Variants in FARS2 observed in about 807,000 individuals in gnomAD.
The protein encoded by FARS2 is phenylalanine--tRNA ligase, mitochondrial.
Under a neutral mutation model 46.4 loss-of-function variants are expected in FARS2, and 40 were observed. The ratio of observed to expected loss-of-function variants is 0.86; its 90% CI spans 0.67 to 1.12. The LOEUF (loss-of-function observed/expected upper bound fraction) is 1.12. Among genes scored for constraint, FARS2 ranks in the 50% most tolerant of loss-of-function variants. The pLI is 0.00. For missense variants in FARS2, 513 were observed against 567.9 expected (o/e 0.90, Z 0.98); for synonymous variants, 234 against 214.9 (o/e 1.09, Z -0.78).
At chr6:5,647,070 A>G (rs893074784) in intron 6 of FARS2, among the ~76,000 whole-genome samples, 4 of 152,116 alleles carry the variant, frequency 2.6e-5, no homozygotes, top group African/African-American at 9.7e-5. Context: ...CAATGGCCCA[A>G]ATGTATTTTT....
At chr6:5,489,323 G>A (rs1201948822) in intron 4 of FARS2, among the ~76,000 whole-genome samples, 1 of 152,076 alleles carries the variant, frequency 6.6e-6, no homozygotes, top group Non-Finnish European at 1.5e-5. Flanking sequence ...GCGTGATGGT[G>A]CACGCCTGTA....
At chr6:5,627,276 G>A (rs932622395) in intron 6 of FARS2, among the ~76,000 whole-genome samples, 11 of 152,252 alleles carry the variant, frequency 7.2e-5, no homozygotes, top group African/African-American at 2.4e-4. Flanking sequence ...ATACCCTGCA[G>A]TAGGTTTTGG....
In FARS2 at chr6:5,368,964, C is replaced by T. The variant is rs534089491; in HGVS notation, c.394C>T (p.Pro132Ser). The change falls in exon 2 of 7, where the codon CCA becomes TCA. Residue 132 changes from proline to serine, a missense_variant. By Grantham distance (74) the Pro-to-Ser change is moderately conservative. Coordinates refer to ENST00000274680, the MANE Select transcript of FARS2 (RefSeq NM_006567.5). ...GCAGAACTTTGACAGCCTGCTCATC[C>T]CAGCTGATCACCCCAGCAGGAAGAA... Reference protein sequence around the residue: ...TWQNFDSLLIPADHPSRKKGD... With the variant: ...TWQNFDSLLISADHPSRKKGD... 4.3e-6 allele frequency: 7 copies of T among 1,614,154 alleles called. No homozygotes were observed. Among genetic ancestry groups the T allele is most frequent in the Middle Eastern group, 3.3e-4 (2 of 6,062 alleles).
At position 5,273,674 on chromosome 6, in the gene FARS2, T is replaced by A. The variant is rs1057337692; in HGVS notation, c.-22+12014T>A. Among the ~76,000 whole-genome samples the A allele has an allele frequency of 2.6e-5, 4 of 152,220 alleles. No individual in the cohort carries two copies. The South Asian group carries it at 8.3e-4, about 31-fold the overall frequency. On this transcript the variant is annotated intron_variant, in intron 1 of 6. Coordinates refer to ENST00000274680, the MANE Select transcript of FARS2 (RefSeq NM_006567.5). ...CTTTGCTTACAGAAGCGTTTTTGCT[T>A]GATGTAATCTAATTTTTCTCTTTTT... is the stretch of plus-strand genomic sequence containing the variant.
In FARS2 at chr6:5,293,598, A is replaced by G. The variant is rs538006792; in HGVS notation, c.-22+31938A>G. The stretch of plus-strand genomic sequence containing the variant: ...TAAATCTCTAAACCCCAATGGGAGA[A>G]AAGTTATTATTTAATAATATCATAG... On this transcript the variant is annotated intron_variant, in intron 1 of 6. Transcript: ENST00000274680. Among the ~76,000 whole-genome samples the G allele has an allele frequency of 2.8e-4, 43 of 152,360 alleles. 1 individual carries two copies. The South Asian group carries it at 8.3e-3, about 29-fold the overall frequency.
At chr6:5,756,804 CTG>C (rs1485145496) in intron 6 of FARS2, among the ~76,000 whole-genome samples, 1 of 152,214 alleles carries the variant, frequency 6.6e-6, no homozygotes, top group Non-Finnish European at 1.5e-5. Context: ...TATAAACTAA[CTG>C]TCATACATAG....
intron 4 of FARS2, among the ~76,000 whole-genome samples, chr6:5,492,671 C>T (rs1019668277): frequency 6.6e-6 from 1 of 152,208 alleles, no homozygotes; most frequent in Non-Finnish European, 1.5e-5. Context: ...AAGTATTTAT[C>T]GAGCCCCTAC....
At chr6:5,542,174 A>G (rs9405846) in intron 4 of FARS2, among the ~76,000 whole-genome samples, 104,764 of 151,938 alleles carry the variant, frequency 0.69, 36,903 homozygotes, top group East Asian at 0.99. Flanking sequence ...CTGACCTCCT[A>G]TCTCATCCTG....
intron 6 of FARS2, among the ~76,000 whole-genome samples, chr6:5,651,158 G>A (rs531490820): frequency 9.2e-5 from 14 of 152,294 alleles, no homozygotes; most frequent in Non-Finnish European, 1.8e-4. Context: ...AAGCTGAAAA[G>A]CAGATGGAGA....
intron 3 of FARS2, among the ~76,000 whole-genome samples, 161 bp from the exon 4 acceptor site, chr6:5,430,880 G>T (rs948809341): frequency 2.0e-5 from 3 of 152,106 alleles, no homozygotes; most frequent in African/African-American, 7.2e-5. Context: ...CAAGTTTTAA[G>T]ATTTATTGCC....
At chr6:5,705,553 G>A (rs910209654) in intron 6 of FARS2, among the ~76,000 whole-genome samples, 9 of 152,098 alleles carry the variant, frequency 5.9e-5, no homozygotes, top group African/African-American at 1.9e-4. Context: ...CAGCCCCCTC[G>A]ATGGCAGCCT....
At chr6:5,446,459 C>T (rs895863333) in intron 4 of FARS2, among the ~76,000 whole-genome samples, 1 of 152,132 alleles carries the variant, frequency 6.6e-6, no homozygotes, top group African/African-American at 2.4e-5. Context: ...CTGAAGCAAA[C>T]TTTTAAGTAT....
chr6:5,438,562 T>C (rs1763667195), intron 4 of FARS2, among the ~76,000 whole-genome samples: 1 of 152,156 alleles, frequency 6.6e-6, no homozygotes, highest in African/African-American at 2.4e-5. Flanking sequence ...CCTATTTTTC[T>C]TCTGAGAATT....
chr6:5,628,096 G>A (rs542866712), intron 6 of FARS2, among the ~76,000 whole-genome samples: 1 of 152,320 alleles, frequency 6.6e-6, no homozygotes, highest in African/African-American at 2.4e-5. Flanking sequence ...TTAGCTTCCA[G>A]GAGCAGAAAA....
At chr6:5,451,116 T>C (rs573314294) in intron 4 of FARS2, among the ~76,000 whole-genome samples, 1 of 152,292 alleles carries the variant, frequency 6.6e-6, no homozygotes, top group Admixed American at 6.5e-5. Context: ...GAACTTTTTG[T>C]ATATTTCCTG....
At chr6:5,705,245 G>A (rs781140349) in intron 6 of FARS2, among the ~76,000 whole-genome samples, 16 of 152,250 alleles carry the variant, frequency 1.1e-4, no homozygotes, top group Non-Finnish European at 1.3e-4. Context: ...TGAAATTGCC[G>A]TTTTTTAATA....
At chr6:5,303,658 C>T (rs1768484790) in intron 1 of FARS2, among the ~76,000 whole-genome samples, 1 of 152,074 alleles carries the variant, frequency 6.6e-6, no homozygotes, top group East Asian at 1.9e-4. Context: ...TTGCCTTCCT[C>T]CATCTTTGTG....
chr6:5,504,874 G>A (rs1416978578), intron 4 of FARS2, among the ~76,000 whole-genome samples: 1 of 151,964 alleles, frequency 6.6e-6, no homozygotes, highest in Non-Finnish European at 1.5e-5. Flanking sequence ...TACCCCGGCT[G>A]GAGGGCAGTG....
chr6:5,351,546 T>TC (rs1248860557), intron 1 of FARS2, among the ~76,000 whole-genome samples: 8 of 152,078 alleles, frequency 5.3e-5, no homozygotes, highest in Non-Finnish European at 2.9e-5. Flanking sequence ...GATTAACTGA[T>TC]CCCCCCCACA....
Sources: allele counts gnomAD v4.1 joint callset (sites outside exome capture counted in the v4.1 genomes callset), GRCh38; gene constraint gnomAD v4.1.1; transcripts MANE v1.5; gene names NCBI Gene and HGNC (gene_info 2026-07-23, HGNC 2026-07-21).